Variants in DXO observed in about 807,000 individuals in gnomAD.
The protein encoded by DXO is decapping and exoribonuclease protein.
DXO carries 42 observed loss-of-function variants against 39.8 expected under a neutral mutation model. The ratio of observed to expected loss-of-function variants is 1.06; its 90% CI spans 0.83 to 1.37. The LOEUF (loss-of-function observed/expected upper bound fraction) is 1.37. Ranked by LOEUF, DXO falls within the 40% of genes most tolerant of loss-of-function variation. The probability of loss-of-function intolerance (pLI) is 0.00; values close to 1 mark genes in which losing one functional copy is unlikely to be tolerated. For synonymous variants in DXO, 193 were observed against 200.4 expected, an observed-to-expected ratio of 0.96 and a Z score of 0.31; for missense variants, 495 against 513.0, an observed-to-expected ratio of 0.96 and a Z score of 0.34.
Position 31,969,872 on chromosome 6 carries a change from C to T in DXO, c.*5G>A, listed in dbSNP as rs1350379272. ...GAGATATGACTGCCTCCCTCTAAAG[C>T]ATTACTATTTGGGAGAGGGAGTCTT... On this transcript the variant is annotated 3_prime_UTR_variant, in exon 7 of 7. Transcript: ENST00000337523. The surrounding 1 kb of genome is among the most constrained non-coding windows in gnomAD (Gnocchi z 6.1). The T allele has an allele frequency of 1.2e-6, 2 of 1,614,066 alleles. No homozygotes were observed. Among genetic ancestry groups the T allele is most frequent in the Non-Finnish European group, 8.5e-7 (1 of 1,180,014 alleles).
rs1773357941 is a variant in DXO, at chr6:31,971,798, C to T, written c.-6-117G>A. 2 of 1,329,350 alleles carry T rather than the reference C, an allele frequency of 1.5e-6. No individual in the cohort carries two copies. The highest frequency in any genetic ancestry group is 2.0e-6 in the Non-Finnish European group (2 of 996,650). The allele number at this position is 1,329,350 out of a possible 1,614,324, so 82.3% of individuals were successfully genotyped here. On this transcript the variant is annotated intron_variant, in intron 1 of 6. Transcript: ENST00000337523. This position sits in a 1 kb window ranked among gnomAD's most constrained non-coding sequence, Gnocchi z 4.5. ...AGGCTCTGGCCTTGAAACATTCAGG[C>T]CCCTCAGACGCCACCGCGGCCAAGC...
In DXO at chr6:31,971,770, G is replaced by C; in HGVS notation, c.-6-89C>G. On this transcript the variant is annotated intron_variant, in intron 1 of 6. Transcript: ENST00000337523. This position sits in a 1 kb window ranked among gnomAD's most constrained non-coding sequence, Gnocchi z 4.5. ...TTAGGACTAAGCGAGCCACCTGATC[G>C]CCAGGCTCTGGCCTTGAAACATTCA... is the stretch of plus-strand genomic sequence containing the variant. 6 of 1,389,618 alleles carry C rather than the reference G, an allele frequency of 4.3e-6. No homozygotes were observed. Among genetic ancestry groups the C allele is most frequent in the Non-Finnish European group, 5.7e-6 (6 of 1,045,942 alleles). The allele number at this position is 1,389,618 out of a possible 1,614,324, so 86.1% of individuals were successfully genotyped here. A position where few individuals can be genotyped will look rare whatever the true frequency, so the allele number is the denominator to read the frequency against.
chr6:31,970,052 A>G lies in DXO; in HGVS notation c.1044-28T>C, dbSNP rs1473905102. The G allele has an allele frequency of 1.9e-6, 3 of 1,613,914 alleles. No homozygotes were observed. The African/African-American group carries it at 4.0e-5, about 22-fold the overall frequency. On this transcript the variant is annotated intron_variant, in intron 6 of 6. Coordinates refer to ENST00000337523, the MANE Select transcript of DXO (RefSeq NM_005510.4). The surrounding 1 kb of genome is among the most constrained non-coding windows in gnomAD (Gnocchi z 4.0). ...GGGGGGCAGATGGAGGCATCAGTTG[A>G]GGGCCAGAGGCTGGATCCTGGGATC...
rs1773298050 is a variant in DXO, at chr6:31,971,328, C to T, written c.348G>A (p.Arg116=). 1 of 1,541,102 alleles carries T rather than the reference C, an allele frequency of 6.5e-7. No individual in the cohort carries two copies. The highest frequency in any genetic ancestry group is 1.4e-5 in the African/African-American group (1 of 72,688). The change falls in exon 2 of 7, where the codon CGG becomes CGA. Residue 116 remains arginine (R), a synonymous_variant. Transcript: ENST00000337523. This position sits in a 1 kb window ranked among gnomAD's most constrained non-coding sequence, Gnocchi z 4.5. ...TACCACGCTTTGCTCACCCCTCCAA[C>T]CGGCCTCGGTGTTCCAGGAGCCAGC... ...LLCWLLEHRG[R]LEGGPGWLAE... is the part of the protein sequence containing the mutation.
rs1773150965 is a variant in DXO, at chr6:31,970,337, C to T, written c.948+6G>A. The T allele has an allele frequency of 6.2e-7, 1 of 1,614,002 alleles. No individual in the cohort carries two copies. ...ACGGGTGGGAGCTGCAACATCGTTC[C>T]CTTACCCTGACATATTCAAACATCT... On this transcript the variant is annotated splice_donor_region_variant and intron_variant, in intron 5 of 6. Coordinates refer to ENST00000337523, the MANE Select transcript of DXO (RefSeq NM_005510.4). This position sits in a 1 kb window ranked among gnomAD's most constrained non-coding sequence, Gnocchi z 4.0.
In DXO at chr6:31,971,710, A is replaced by T; in HGVS notation, c.-6-29T>A. The T allele has an allele frequency of 6.4e-7, 1 of 1,571,638 alleles. No homozygotes were observed. Among genetic ancestry groups the T allele is most frequent in the Non-Finnish European group, 8.6e-7 (1 of 1,162,986 alleles). ...AGACAAGCAGGGGTACAGAGTTTCC[A>T]TTCTACAGAGGAGGCCTGGAGAAGG... On this transcript the variant is annotated intron_variant, in intron 1 of 6. Coordinates refer to ENST00000337523, the MANE Select transcript of DXO (RefSeq NM_005510.4). The surrounding 1 kb of genome is among the most constrained non-coding windows in gnomAD (Gnocchi z 4.5).
Position 31,971,471 on chromosome 6 carries a change from AGCGCAGG to A in DXO, c.198_204del (p.Leu67ThrfsTer60), listed in dbSNP as rs1562681192. 6.2e-7 allele frequency: 1 copy of A among 1,614,090 alleles called. No homozygotes were observed. The highest frequency in any genetic ancestry group is 1.7e-5 in the Admixed American group (1 of 60,016). Reference sequence around the variant, plus strand: ...CCGTTAGTGGGGGGTGGGCTATAGTAGCGCAGGGCTCGGGCATCTCCATGGTACTGGC... The same window carrying A: ...CCGTTAGTGGGGGGTGGGCTATAGTAGCTCGGGCATCTCCATGGTACTGGC... On this transcript the variant is annotated frameshift_variant, in exon 2 of 7. Coordinates refer to ENST00000337523, the MANE Select transcript of DXO (RefSeq NM_005510.4). LOFTEE classifies it high-confidence loss of function. The surrounding 1 kb of genome is among the most constrained non-coding windows in gnomAD (Gnocchi z 4.5).
rs759402573 is a variant in DXO at position 31,972,015 on chromosome 6, G to A, written c.-93C>T. The stretch of plus-strand genomic sequence containing the variant: ...CCGAAGGATGCAAAAGTGGTTTTCT[G>A]CTTTCGATGATGCAATCATTCAGCG... On this transcript the variant is annotated 5_prime_UTR_variant, in exon 1 of 7. Coordinates refer to ENST00000337523, the MANE Select transcript of DXO (RefSeq NM_005510.4). The surrounding 1 kb of genome is among the most constrained non-coding windows in gnomAD (Gnocchi z 6.3). 1.9e-6 allele frequency: 3 copies of A among 1,607,228 alleles called. No individual in the cohort carries two copies. The highest frequency in any genetic ancestry group is 2.6e-6 in the Non-Finnish European group (3 of 1,174,836).
rs140845331 is a variant in DXO, at chr6:31,971,485, G to T, written c.191C>A (p.Ala64Asp). 6 of 1,614,026 alleles carry T rather than the reference G, an allele frequency of 3.7e-6. No homozygotes were observed. In the African/African-American group the frequency reaches 6.7e-5, roughly 18 times the overall value. ...LDAQRQYHGDARALRYYSPPP... is the reference protein window; with the variant it reads ...LDAQRQYHGDDRALRYYSPPP... The stretch of plus-strand genomic sequence containing the variant: ...TGGGCTATAGTAGCGCAGGGCTCGG[G>T]CATCTCCATGGTACTGGCGTTGAGC... Residue 64 changes from alanine (A) to aspartate (D), a missense_variant, in exon 2 of 7, where the codon GCC (alanine) becomes GAC (aspartate). By Grantham distance (126) the Ala-to-Asp change is moderately radical. Transcript: ENST00000337523. The surrounding 1 kb of genome is among the most constrained non-coding windows in gnomAD (Gnocchi z 4.5).
chr6:31,972,079 T>C lies in DXO; in HGVS notation c.-157A>G. The C allele has an allele frequency of 6.2e-7, 1 of 1,612,482 alleles. No individual in the cohort carries two copies. Among genetic ancestry groups the C allele is most frequent in the South Asian group, 1.1e-5 (1 of 91,008 alleles). ...AACCCCTCCCGGGGCGGGGGAGGTG[T>C]GAGCTTCACGAAGGAGGTTGACACC... is the stretch of plus-strand genomic sequence containing the variant. On this transcript the variant is annotated 5_prime_UTR_variant, in exon 1 of 7. Transcript: ENST00000337523. The surrounding 1 kb of genome is among the most constrained non-coding windows in gnomAD (Gnocchi z 6.3).
chr6:31,970,391 G>A lies in DXO; in HGVS notation c.900C>T (p.Val300=). The A allele has an allele frequency of 6.2e-7, 1 of 1,614,128 alleles. No homozygotes were observed. Among genetic ancestry groups the A allele is most frequent in the Non-Finnish European group, 8.5e-7 (1 of 1,180,022 alleles). ...TGGTAGGAAAGGTCTTGAGGGAAGAGACAAAACCGTCTGGGTTACGGAAGC... is the reference window on the plus strand; with the variant it reads ...TGGTAGGAAAGGTCTTGAGGGAAGAAACAAAACCGTCTGGGTTACGGAAGC... ...VAGFRNPDGF[V]SSLKTFPTMK... is the part of the protein sequence containing the mutation. Residue 300 remains valine, a synonymous_variant, in exon 5 of 7, where the codon GTC becomes GTT. Coordinates refer to ENST00000337523, the MANE Select transcript of DXO (RefSeq NM_005510.4). The surrounding 1 kb of genome is among the most constrained non-coding windows in gnomAD (Gnocchi z 4.0).
chr6:31,971,769 C>T lies in DXO; in HGVS notation c.-6-88G>A. 7.2e-7 allele frequency: 1 copy of T among 1,398,460 alleles called. No homozygotes were observed. The highest frequency in any genetic ancestry group is 9.5e-7 in the Non-Finnish European group (1 of 1,053,192). 86.6% of individuals were successfully genotyped at this position (1,398,460 alleles called of 1,614,324 possible). A position where few individuals can be genotyped will look rare whatever the true frequency, so the allele number is the denominator to read the frequency against. ...TTTAGGACTAAGCGAGCCACCTGAT[C>T]GCCAGGCTCTGGCCTTGAAACATTC... On this transcript the variant is annotated intron_variant, in intron 1 of 6. Coordinates refer to ENST00000337523, the MANE Select transcript of DXO (RefSeq NM_005510.4). This position sits in a 1 kb window ranked among gnomAD's most constrained non-coding sequence, Gnocchi z 4.5.
chr6:31,970,482 A>G lies in DXO; in HGVS notation c.813-4T>C, dbSNP rs1229220400. The G allele has an allele frequency of 6.2e-7, 1 of 1,614,054 alleles. No individual in the cohort carries two copies. Among genetic ancestry groups the G allele is most frequent in the African/African-American group, 1.3e-5 (1 of 74,974 alleles). ...CCACCATTTCAGGAGCTTGTGTCTG[A>G]CAGGAAAAGCAAGGGATCAGTGGGA... On this transcript the variant is annotated splice_region_variant and splice_polypyrimidine_tract_variant and intron_variant, in intron 4 of 6. Coordinates refer to ENST00000337523, the MANE Select transcript of DXO (RefSeq NM_005510.4). The surrounding 1 kb of genome is among the most constrained non-coding windows in gnomAD (Gnocchi z 4.0).
In DXO at chr6:31,970,330, A is replaced by G. The variant is rs474534; in HGVS notation, c.948+13T>C. 214,075 of 1,613,748 alleles carry G rather than the reference A, an allele frequency of 0.13. 16,401 individuals are homozygous for G. Among genetic ancestry groups the G allele is most frequent in the African/African-American group, 0.27 (20,241 of 74,852 alleles). The stretch of plus-strand genomic sequence containing the variant: ...TGGGGATACGGGTGGGAGCTGCAAC[A>G]TCGTTCCCTTACCCTGACATATTCA... On this transcript the variant is annotated intron_variant, in intron 5 of 6. Coordinates refer to ENST00000337523, the MANE Select transcript of DXO (RefSeq NM_005510.4). The surrounding 1 kb of genome is among the most constrained non-coding windows in gnomAD (Gnocchi z 4.0).
rs1156622282 is a variant in DXO at position 31,970,849 on chromosome 6, C to T, written c.593-24G>A. On this transcript the variant is annotated intron_variant, in intron 3 of 6. Transcript: ENST00000337523. The surrounding 1 kb of genome is among the most constrained non-coding windows in gnomAD (Gnocchi z 4.0). ...GTCTGCACAAGGAGAGAAGCAGCAGCAGGCGTGGGGGGCTCTCAACCTCTG... is the reference window on the plus strand; with the variant it reads ...GTCTGCACAAGGAGAGAAGCAGCAGTAGGCGTGGGGGGCTCTCAACCTCTG... 6.2e-7 allele frequency: 1 copy of T among 1,612,346 alleles called. No individual in the cohort carries two copies. The highest frequency in any genetic ancestry group is 1.1e-5 in the South Asian group (1 of 91,078).
At position 31,971,989 on chromosome 6, in the gene DXO, G is replaced by A. The variant is rs1246257492; in HGVS notation, c.-67C>T. 6.3e-7 allele frequency: 1 copy of A among 1,595,282 alleles called. No individual in the cohort carries two copies. The highest frequency in any genetic ancestry group is 1.3e-5 in the African/African-American group (1 of 74,808). On this transcript the variant is annotated 5_prime_UTR_variant, in exon 1 of 7. Coordinates refer to ENST00000337523, the MANE Select transcript of DXO (RefSeq NM_005510.4). The surrounding 1 kb of genome is among the most constrained non-coding windows in gnomAD (Gnocchi z 4.5). Reference sequence around the variant, plus strand: ...TGACGTCATGGCAGGCACGCCAGAGGCCGAAGGATGCAAAAGTGGTTTTCT... The same window carrying A: ...TGACGTCATGGCAGGCACGCCAGAGACCGAAGGATGCAAAAGTGGTTTTCT...
rs1582206501 is a variant in DXO at position 31,972,076 on chromosome 6, G to A, written c.-154C>T. On this transcript the variant is annotated 5_prime_UTR_variant, in exon 1 of 7. Transcript: ENST00000337523. The surrounding 1 kb of genome is among the most constrained non-coding windows in gnomAD (Gnocchi z 6.3). ...GCAAACCCCTCCCGGGGCGGGGGAG[G>A]TGTGAGCTTCACGAAGGAGGTTGAC... The A allele has an allele frequency of 6.2e-7, 1 of 1,613,022 alleles. No homozygotes were observed. The highest frequency in any genetic ancestry group is 1.7e-5 in the Admixed American group (1 of 59,996).
At position 31,970,834 on chromosome 6, in the gene DXO, G is replaced by A. The variant is rs776629971; in HGVS notation, c.593-9C>T. Reference sequence around the variant, plus strand: ...GGAGCTTCCAGGTTTGTCTGCACAAGGAGAGAAGCAGCAGCAGGCGTGGGG... The same window carrying A: ...GGAGCTTCCAGGTTTGTCTGCACAAAGAGAGAAGCAGCAGCAGGCGTGGGG... On this transcript the variant is annotated splice_polypyrimidine_tract_variant and intron_variant, in intron 3 of 6. Transcript: ENST00000337523. The surrounding 1 kb of genome is among the most constrained non-coding windows in gnomAD (Gnocchi z 4.0). 1.4e-5 allele frequency: 22 copies of A among 1,612,492 alleles called. No individual in the cohort carries two copies. Among genetic ancestry groups the A allele is most frequent in the Non-Finnish European group, 1.7e-5 (20 of 1,179,736 alleles).
Position 31,971,714 on chromosome 6 carries a change from T to C in DXO, c.-6-33A>G, listed in dbSNP as rs754787619. 11 of 1,560,444 alleles carry C rather than the reference T, an allele frequency of 7.0e-6. No individual in the cohort carries two copies. The East Asian group carries it at 1.8e-4, about 26-fold the overall frequency. On this transcript the variant is annotated intron_variant, in intron 1 of 6. Coordinates refer to ENST00000337523, the MANE Select transcript of DXO (RefSeq NM_005510.4). This position sits in a 1 kb window ranked among gnomAD's most constrained non-coding sequence, Gnocchi z 4.5. ...AAGCAGGGGTACAGAGTTTCCATTC[T>C]ACAGAGGAGGCCTGGAGAAGGATGA...
Sources: gnomAD v4.1 joint callset for allele counts on GRCh38, gnomAD v4.1.1 for gene constraint, Gnocchi (gnomAD v3.1) non-coding constraint, MANE v1.5 for transcripts, NCBI Gene and HGNC (gene_info 2026-07-23, HGNC 2026-07-21) for gene names.